Variants in CHD5 observed in about 807,000 individuals in gnomAD.
CHD5 encodes the protein ATP-dependent chromatin remodeler CHD5.
In CHD5, 69 loss-of-function variants were observed where a neutral mutation model predicts 230.3. The observed-to-expected ratio is 0.30, with a 90% CI of 0.25 to 0.37. CHD5 has a LOEUF of 0.37. CHD5 is among the 10% of genes least tolerant of loss of function. The pLI is 1.00. For missense variants in CHD5, 1,827 were observed against 2,622.8 expected (o/e 0.70, Z 6.63); for synonymous variants, 1,064 against 1,065.9 (o/e 1.00, Z 0.03).
intron 31 of CHD5, among the ~76,000 whole-genome samples, chr1:6,122,283 C>T (rs538955723): frequency 6.6e-6 from 1 of 152,354 alleles, no homozygotes; most frequent in South Asian, 2.1e-4. Context: ...CAAATAAATA[C>T]CTAGATCACC....
intron 7 of CHD5, among the ~76,000 whole-genome samples, chr1:6,150,267 A>G (rs914487843): frequency 5.3e-5 from 8 of 150,048 alleles, no homozygotes; most frequent in Non-Finnish European, 8.9e-5. Context: ...CAATGGATGG[A>G]TGGATGATGG....
rs9434711 is a variant in CHD5 at position 6,151,123 on chromosome 1, G to A, written c.903C>T (p.Phe301=). The A allele has an allele frequency of 0.33, 522,294 of 1,606,776 alleles. 96,002 individuals carry two copies. Among genetic ancestry groups the A allele is most frequent in the East Asian group, 0.72 (31,954 of 44,520 alleles). The change falls in exon 7 of 42, where the codon TTC becomes TTT. Residue 301 remains phenylalanine, a synonymous_variant. Coordinates refer to ENST00000262450, the MANE Select transcript of CHD5 (RefSeq NM_015557.3). Reference sequence around the variant, plus strand: ...AGGCACTGTGGATGCTGGCGCTGTCGAAGTCCGACTCCTCCCTCTCATCTT... The same window carrying A: ...AGGCACTGTGGATGCTGGCGCTGTCAAAGTCCGACTCCTCCCTCTCATCTT... ...SEEDEREESD[F]DSASIHSASV...
intron 34 of CHD5, 35 bp downstream of exon 34, chr1:6,112,872 ATG>A: frequency 2.0e-6 from 3 of 1,505,082 alleles, no homozygotes; most frequent in Non-Finnish European, 2.8e-6. Flanking sequence ...TCAAGGGACC[ATG>A]GGGCACAGGT....
Position 6,151,140 on chromosome 1 carries a change from T to G in CHD5, c.886A>C (p.Arg296=), listed in dbSNP as rs1173627771. The change falls in exon 7 of 42, where the codon AGG becomes CGG. Residue 296 remains arginine (R), a synonymous_variant. Transcript: ENST00000262450. The part of the protein sequence containing the change: ...KKGSSSEEDE[R]EESDFDSASI... ...GCGCTGTCGAAGTCCGACTCCTCCCTCTCATCTTCTTCACTCTGCAGGGGA... is the reference window on the plus strand; with the variant it reads ...GCGCTGTCGAAGTCCGACTCCTCCCGCTCATCTTCTTCACTCTGCAGGGGA... The G allele has an allele frequency of 3.1e-6, 5 of 1,607,714 alleles. No individual in the cohort carries two copies. The highest frequency in any genetic ancestry group is 4.2e-6 in the Non-Finnish European group (5 of 1,176,792).
chr1:6,143,735 T>C, intron 13 of CHD5, 88 bp downstream of exon 13: 1 of 1,201,606 alleles, frequency 8.3e-7, no homozygotes, highest in Admixed American at 1.7e-5. Context: ...AAACATCCTT[T>C]TGAGAACACA....
At position 6,106,472 on chromosome 1, in the gene CHD5, A is replaced by G. The variant is rs1240034197; in HGVS notation, c.5780T>C (p.Phe1927Ser). The change falls in exon 40 of 42, where the codon TTT becomes TCT. Residue 1927 changes from phenylalanine to serine, a missense_variant. Physicochemically the swap from Phe to Ser is radical, Grantham distance 155 (BLOSUM62 -2). Around this residue, in one of 14 missense-constraint regions of CHD5, gnomAD observed 208 missense variants for 302.0 expected, o/e 0.69. Coordinates refer to ENST00000262450, the MANE Select transcript of CHD5 (RefSeq NM_015557.3). ...FGSSQMYSNN[F>S]GPNFRGPGPG... The stretch of plus-strand genomic sequence containing the variant: ...TCCAGGGCCCCGGAAGTTGGGCCCA[A>G]AGTTGTTGCTGTACATCTGGGAGGA... The G allele has an allele frequency of 6.4e-7, 1 of 1,557,798 alleles. No individual in the cohort carries two copies. Among genetic ancestry groups the G allele is most frequent in the Non-Finnish European group, 8.7e-7 (1 of 1,151,094 alleles).
intron 41 of CHD5, 145 bp downstream of exon 41, chr1:6,106,089 G>T: frequency 1.4e-6 from 1 of 707,068 alleles, no homozygotes; most frequent in Non-Finnish European, 2.4e-6. Flanking sequence ...CCAGGCAGGT[G>T]GGTGGCTCTC....
intron 38 of CHD5, among the ~76,000 whole-genome samples, chr1:6,107,871 T>G (rs1420840240): frequency 8.7e-6 from 1 of 114,954 alleles, no homozygotes; most frequent in Non-Finnish European, 1.8e-5. Context: ...GGAGGGATGA[T>G]GGAGGGATGG....
At chr1:6,149,480 C>T (rs1666966403) in intron 7 of CHD5, 68 bp from the exon 8 acceptor site, 4 of 1,501,198 alleles carry the variant, frequency 2.7e-6, no homozygotes, top group Non-Finnish European at 3.6e-6. Context: ...AACTGCATCG[C>T]CCCAGGCCAG....
Position 6,130,438 on chromosome 1 carries a change from C to T in CHD5, c.3263-110G>A, listed in dbSNP as rs1666636689. The T allele has an allele frequency of 2.0e-6, 2 of 1,023,264 alleles. No homozygotes were observed. Among genetic ancestry groups the T allele is most frequent in the African/African-American group, 1.6e-5 (1 of 62,914 alleles). The allele number at this position is 1,023,264 out of a possible 1,614,324, so 63.4% of individuals were successfully genotyped here. Reference sequence around the variant, plus strand: ...AGGAACTGCAGCAACAGATCCCTGGCAGAGAAGGACAAAGCCGGAGACCCC... The same window carrying T: ...AGGAACTGCAGCAACAGATCCCTGGTAGAGAAGGACAAAGCCGGAGACCCC... On this transcript the variant is annotated intron_variant, in intron 21 of 41. Transcript: ENST00000262450. The surrounding 1 kb of genome is among the most constrained non-coding windows in gnomAD (Gnocchi z 4.9).
At chr1:6,160,207 T>C (rs1176013593) in intron 2 of CHD5, among the ~76,000 whole-genome samples, 86 of 36,856 alleles carry the variant, frequency 2.3e-3, no homozygotes, top group Admixed American at 3.7e-3. Context: ...AGAAGAGCCC[T>C]AGCCAGGGAA....
At chr1:6,144,266 T>A (rs1666876506) in intron 11 of CHD5, 111 bp from the exon 12 acceptor site, 1 of 1,456,690 alleles carries the variant, frequency 6.9e-7, no homozygotes, top group Admixed American at 1.8e-5. Flanking sequence ...TCCCCTCGGA[T>A]GCTGGGCCCA....
At chr1:6,149,486 G>A (rs1666966595) in intron 7 of CHD5, 74 bp from the exon 8 acceptor site, 3 of 1,467,982 alleles carry the variant, frequency 2.0e-6, no homozygotes, top group East Asian at 2.3e-5. Context: ...ATCGCCCCAG[G>A]CCAGACAGGC....
intron 1 of CHD5, among the ~76,000 whole-genome samples, chr1:6,176,607 G>T (rs1044050359): frequency 2.6e-5 from 4 of 152,214 alleles, no homozygotes; most frequent in Admixed American, 2.6e-4. Context: ...CCTTGGAGAA[G>T]GCAGGACAGC....
chr1:6,116,009 A>C (rs190382762), intron 33 of CHD5, among the ~76,000 whole-genome samples: 2 of 152,378 alleles, frequency 1.3e-5, no homozygotes, highest in Admixed American at 6.5e-5. Flanking sequence ...AACAAAAAAG[A>C]AGCAAAAGAT....
Position 6,128,274 on chromosome 1 carries a change from G to A in CHD5, c.3731-56C>T, listed in dbSNP as rs1571148077. On this transcript the variant is annotated intron_variant, in intron 24 of 41. Transcript: ENST00000262450. This position sits in a 1 kb window ranked among gnomAD's most constrained non-coding sequence, Gnocchi z 7.8. ...AAAGACTGCCCTGGTCCAGCCCCGG[G>A]GTCCCAGGAACAGACTCCCAACAAT... The A allele has an allele frequency of 7.7e-6, 12 of 1,566,460 alleles. No individual in the cohort carries two copies. Among genetic ancestry groups the A allele is most frequent in the Non-Finnish European group, 1.0e-5 (12 of 1,146,152 alleles).
intron 9 of CHD5, among the ~76,000 whole-genome samples, chr1:6,147,999 C>A (rs990238850): frequency 6.6e-6 from 1 of 151,868 alleles, no homozygotes; most frequent in African/African-American, 2.4e-5. Flanking sequence ...TCCTGCCCCC[C>A]TCCCATCCCC....
At chr1:6,147,563 C>T (rs566234273) in intron 9 of CHD5, among the ~76,000 whole-genome samples, 76 of 152,324 alleles carry the variant, frequency 5.0e-4, no homozygotes, top group Middle Eastern at 3.4e-3. Context: ...GCAGCCTTGG[C>T]CCTCCAAGGA....
At position 6,167,115 on chromosome 1, in the gene CHD5, G is replaced by A. The variant is rs985226930; in HGVS notation, c.207+1035C>T. On this transcript the variant is annotated intron_variant, in intron 2 of 41. Transcript: ENST00000262450. The surrounding 1 kb of genome is among the most constrained non-coding windows in gnomAD (Gnocchi z 4.5). Reference sequence around the variant, plus strand: ...TGCGCCTCACCAGCTACCTCCCTGGGCCTCTCACTTGCAAGGTGGGGCCAG... The same window carrying A: ...TGCGCCTCACCAGCTACCTCCCTGGACCTCTCACTTGCAAGGTGGGGCCAG... Among the ~76,000 whole-genome samples, 3 of 152,146 alleles carry A rather than the reference G, an allele frequency of 2.0e-5. No homozygotes were observed. The highest frequency in any genetic ancestry group is 7.2e-5 in the African/African-American group (3 of 41,424).
Sources: allele counts gnomAD v4.1 joint callset (sites outside exome capture counted in the v4.1 genomes callset), GRCh38; gene constraint gnomAD v4.1.1; regional missense constraint gnomAD v4.1.1; non-coding constraint Gnocchi (gnomAD v3.1); transcripts MANE v1.5; gene names NCBI Gene and HGNC (gene_info 2026-07-23, HGNC 2026-07-21).